The following PCDHA5 variants were observed in gnomAD, a reference collection of about 807,000 sequenced individuals.
The protein encoded by PCDHA5 is protocadherin alpha 5.
PCDHA5 carries 43 observed loss-of-function variants against 61.6 expected under a neutral mutation model. That is an observed-to-expected ratio of 0.70 (90% CI 0.55 to 0.90). The LOEUF (loss-of-function observed/expected upper bound fraction) is 0.90, where lower values mean the gene tolerates loss of function less well. Among genes scored for constraint, PCDHA5 ranks in the 40% least tolerant of loss-of-function variants. The pLI, the probability that PCDHA5 is intolerant of heterozygous loss-of-function variation, is 0.00. For synonymous variants in PCDHA5, 627 were observed against 543.9 expected (o/e 1.15, Z -2.13); for missense variants, 1,298 against 1,222.7 (o/e 1.06, Z -0.92).
intron 3 of PCDHA5, among the ~76,000 whole-genome samples, chr5:140,996,580 C>T (rs1351485354): frequency 6.6e-6 from 1 of 152,130 alleles, no homozygotes; most frequent in African/African-American, 2.4e-5. Context: ...AATTTGTTAA[C>T]AAGGGCCGCC....
At chr5:141,006,007 T>C (rs1554260471) in intron 3 of PCDHA5, among the ~76,000 whole-genome samples, 1 of 151,298 alleles carries the variant, frequency 6.6e-6, no homozygotes, top group African/African-American at 2.4e-5. Flanking sequence ...AGAAGGCCTG[T>C]ATGGTTGGAG....
chr5:140,913,082 C>G (rs2076197049), intron 1 of PCDHA5, among the ~76,000 whole-genome samples: 1 of 152,108 alleles, frequency 6.6e-6, no homozygotes, highest in African/African-American at 2.4e-5. Context: ...TGTTTGGTAT[C>G]AGGATAATAC....
At chr5:140,850,470 C>T (rs2041624410) in intron 1 of PCDHA5, 2 of 1,597,978 alleles carry the variant, frequency 1.3e-6, no homozygotes, top group East Asian at 4.5e-5. Context: ...GGAGCCAGCG[C>T]TGACGGCCAC....
At chr5:140,849,934 G>A (rs2150458402) in intron 1 of PCDHA5, 1 of 1,598,054 alleles carries the variant, frequency 6.3e-7, no homozygotes, top group East Asian at 2.2e-5. Context: ...GTGTCTGCGC[G>A]GGACGCTGAC....
chr5:140,876,195 G>A (rs1554168359), intron 1 of PCDHA5: 2 of 1,613,944 alleles, frequency 1.2e-6, no homozygotes, highest in Admixed American at 1.7e-5. Flanking sequence ...ATGGTCCGGC[G>A]TTTGATAAGC....
chr5:140,970,222 C>T (rs1270140969), intron 1 of PCDHA5, among the ~76,000 whole-genome samples: 2 of 152,134 alleles, frequency 1.3e-5, no homozygotes, highest in Non-Finnish European at 2.9e-5. Context: ...TAAATGCAGC[C>T]TGTAATCTTC....
chr5:140,841,387 A>T, intron 1 of PCDHA5: 1 of 1,613,470 alleles, frequency 6.2e-7, no homozygotes. Flanking sequence ...TGCTCCTCGC[A>T]GCCTGGAAGG....
chr5:140,940,844 T>C (rs942965203), intron 1 of PCDHA5, among the ~76,000 whole-genome samples: 1 of 152,228 alleles, frequency 6.6e-6, no homozygotes. Flanking sequence ...TTCTTCACGA[T>C]AGATTTTTAT....
chr5:140,936,054 G>A (rs1198755229), intron 1 of PCDHA5, among the ~76,000 whole-genome samples: 2 of 151,770 alleles, frequency 1.3e-5, no homozygotes, highest in Non-Finnish European at 1.5e-5. Flanking sequence ...CACCACACCC[G>A]GCTAATTTTT....
chr5:140,850,140 G>T lies in PCDHA5; in HGVS notation c.2352+26013G>T, dbSNP rs2150469344. ...GGGCGTGCCGCCTCTGGGCAGCAACGTGACGCTGCAGGTGTTCGTGCTGGA... is the reference window on the plus strand; with the variant it reads ...GGGCGTGCCGCCTCTGGGCAGCAACTTGACGCTGCAGGTGTTCGTGCTGGA... On this transcript the variant is annotated intron_variant, in intron 1 of 3. Transcript: ENST00000529859. 66 of 1,595,706 alleles carry T rather than the reference G, an allele frequency of 4.1e-5. 9 individuals are homozygous for T. Among genetic ancestry groups the T allele is most frequent in the East Asian group, 6.7e-5 (3 of 44,838 alleles).
At chr5:140,920,415 G>A (rs1229102806) in intron 1 of PCDHA5, among the ~76,000 whole-genome samples, 4 of 152,002 alleles carry the variant, frequency 2.6e-5, no homozygotes, top group Non-Finnish European at 5.9e-5. Flanking sequence ...ATCAGATACA[G>A]CTGTTCTCCC....
intron 1 of PCDHA5, chr5:140,862,770 G>A (rs1554156952): frequency 3.5e-6 from 2 of 576,708 alleles, no homozygotes; most frequent in Non-Finnish European, 6.7e-6. Context: ...AGAGGTACGC[G>A]TTGCAGCCAC....
rs2067929537 is a variant in PCDHA5 at position 140,900,315 on chromosome 5, T to C, written c.2352+76188T>C. Among the ~76,000 whole-genome samples the C allele has an allele frequency of 2.0e-5, 3 of 152,186 alleles. No homozygotes were observed. The East Asian group carries it at 5.8e-4, about 29-fold the overall frequency. On this transcript the variant is annotated intron_variant, in intron 1 of 3. Transcript: ENST00000529859. ...GTTTTTTTAGACAGTCTCACTTTTG[T>C]CGCCCAGGCTGGAGTACCGTGGCGC...
intron 1 of PCDHA5, among the ~76,000 whole-genome samples, chr5:140,922,895 A>G (rs2153566398): frequency 6.6e-6 from 1 of 152,340 alleles, no homozygotes; most frequent in East Asian, 1.9e-4. Context: ...ATTCAAGAAA[A>G]AATTTTGAGA....
chr5:140,829,782 C>T (rs2150174581), intron 1 of PCDHA5: 1 of 1,613,798 alleles, frequency 6.2e-7, no homozygotes. Flanking sequence ...AACGCGCCGG[C>T]GCTGCTGGCG....
At chr5:140,931,405 G>A (rs1395168165) in intron 1 of PCDHA5, among the ~76,000 whole-genome samples, 1 of 151,984 alleles carries the variant, frequency 6.6e-6, no homozygotes, top group South Asian at 2.1e-4. Flanking sequence ...CGATAGGAAG[G>A]CTGATGAATC....
At chr5:140,829,347 C>T in intron 1 of PCDHA5, 5 of 1,614,232 alleles carry the variant, frequency 3.1e-6, no homozygotes, top group Non-Finnish European at 4.2e-6. Flanking sequence ...GAGAGCGTGT[C>T]GGCCTATGAG....
chr5:140,836,947 T>C (rs1208330936), intron 1 of PCDHA5: 5 of 442,006 alleles, frequency 1.1e-5, no homozygotes, highest in Non-Finnish European at 1.9e-5. Flanking sequence ...GATCAAAATC[T>C]ATGGTTTATG....
chr5:140,841,876 G>A lies in PCDHA5; in HGVS notation c.2352+17749G>A, dbSNP rs2150324572. 2.5e-6 allele frequency: 4 copies of A among 1,613,836 alleles called. No homozygotes were observed. The South Asian group carries it at 4.4e-5, about 18-fold the overall frequency. On this transcript the variant is annotated intron_variant, in intron 1 of 3. Transcript: ENST00000529859. Reference sequence around the variant, plus strand: ...ACTTCATGCTAGATGTGAATTCAAAGAACGATGAGAATAAACTGGTTGAGC... The same window carrying A: ...ACTTCATGCTAGATGTGAATTCAAAAAACGATGAGAATAAACTGGTTGAGC...
Sources: allele counts gnomAD v4.1 joint callset (sites outside exome capture counted in the v4.1 genomes callset), GRCh38; gene constraint gnomAD v4.1.1; transcripts MANE v1.5; gene names NCBI Gene and HGNC (gene_info 2026-07-23, HGNC 2026-07-21).